PABPC4: variants seen among roughly 807,000 people sequenced by gnomAD.
PABPC4 encodes polyadenylate-binding protein 4.
PABPC4 carries 15 observed loss-of-function variants against 74.5 expected under a neutral mutation model. The ratio of observed to expected loss-of-function variants is 0.20; its 90% CI spans 0.13 to 0.31. The LOEUF is 0.31. Among genes scored for constraint, PABPC4 ranks in the 10% least tolerant of loss-of-function variants. The pLI is 1.00. For missense variants in PABPC4, 610 were observed against 853.5 expected (o/e 0.71, Z 3.55); for synonymous variants, 345 against 303.0 (o/e 1.14, Z -1.44).
chr1:39,567,681 A>G (rs1349008294), intron 7 of PABPC4, 70 bp downstream of exon 7: 1 of 819,262 alleles, frequency 1.2e-6, no homozygotes, highest in Non-Finnish European at 2.1e-6. Flanking sequence ...CTATTCCTTC[A>G]ATGGGACAAA....
chr1:39,563,546 C>T, intron 12 of PABPC4, 68 bp downstream of exon 12: 1 of 1,563,244 alleles, frequency 6.4e-7, no homozygotes, highest in East Asian at 2.3e-5. Flanking sequence ...GAATCAAAAG[C>T]ACAGCTTCTT....
At position 39,569,547 on chromosome 1, in the gene PABPC4, C is replaced by G. The variant is rs1407283798; in HGVS notation, c.738+48G>C. On this transcript the variant is annotated intron_variant, in intron 5 of 15. Coordinates refer to ENST00000372858, the MANE Select transcript of PABPC4 (RefSeq NM_001135653.2). ...GTGCTAGCAAGACCCTACCCATACT[C>G]TGGGGCAACCTCTTAAAAGCTTTTC... 2.1e-6 allele frequency: 3 copies of G among 1,437,680 alleles called. No homozygotes were observed. In the Admixed American group the frequency reaches 5.0e-5, roughly 24 times the overall value. The allele number at this position is 1,437,680 out of a possible 1,614,324, so 89.1% of individuals were successfully genotyped here.
Position 39,576,044 on chromosome 1 carries a change from G to T in PABPC4, c.-93C>A. ...GGGCGCCTTCGGAGCCCGGGCCCGC[G>T]CCGCGGCTCACAGGTGGCACCGGCG... On this transcript the variant is annotated 5_prime_UTR_variant, in exon 1 of 16. Coordinates refer to ENST00000372858, the MANE Select transcript of PABPC4 (RefSeq NM_001135653.2). 1 of 906,858 alleles carries T rather than the reference G, an allele frequency of 1.1e-6. No homozygotes were observed. Among genetic ancestry groups the T allele is most frequent in the Non-Finnish European group, 1.6e-6 (1 of 640,742 alleles). 56.2% of individuals were successfully genotyped at this position (906,858 alleles called of 1,614,324 possible).
At chr1:39,562,930 T>C (rs1570370519) in intron 12 of PABPC4, 1 of 153,378 alleles carries the variant, frequency 6.5e-6, no homozygotes, top group East Asian at 1.9e-4. Context: ...ACGGTCAACA[T>C]GCAACGTCAA....
chr1:39,567,874 C>T, intron 6 of PABPC4, 28 bp from the exon 7 acceptor site: 1 of 1,251,628 alleles, frequency 8.0e-7, no homozygotes, highest in South Asian at 1.2e-5. Flanking sequence ...CTGTTAACTA[C>T]ACTTCTATAT....
intron 12 of PABPC4, 104 bp from the exon 13 acceptor site, chr1:39,562,520 AGAG>A: frequency 2.5e-6 from 2 of 809,378 alleles, no homozygotes; most frequent in Admixed American, 2.6e-5. Flanking sequence ...GTGAAAGAGG[AGAG>A]GAGGTGGCTG....
intron 6 of PABPC4, chr1:39,568,439 CT>C: frequency 5.2e-6 from 1 of 191,750 alleles, no homozygotes; most frequent in Non-Finnish European, 1.0e-5. Context: ...GTGCACTCAC[CT>C]TTTGTCACCT....
At chr1:39,571,844 C>A (rs1215429662) in intron 2 of PABPC4, 6 of 275,138 alleles carry the variant, frequency 2.2e-5, no homozygotes, top group African/African-American at 1.3e-4. Context: ...CTGCACTCCA[C>A]CCTGGGTGAC....
intron 1 of PABPC4, chr1:39,573,132 G>C (rs1265401526): frequency 6.6e-6 from 1 of 151,304 alleles, no homozygotes; most frequent in East Asian, 1.9e-4. Flanking sequence ...TCCACCTATG[G>C]AGACAAGTGA....
Position 39,565,109 on chromosome 1 carries a change from T to A in PABPC4, c.1242A>T (p.Pro414=), listed in dbSNP as rs554690066. Residue 414 remains proline (P), a synonymous_variant, in exon 8 of 16, where the codon CCA becomes CCT. Coordinates refer to ENST00000372858, the MANE Select transcript of PABPC4 (RefSeq NM_001135653.2). ...AAGGYFVPAV[P]QAQGRPPYYT... is the part of the protein sequence containing the mutation. ...TGTGACCAAACAGCACACCCACCTG[T>A]GGGACTGCTGGCACAAAGTAGCCAC... The A allele has an allele frequency of 6.2e-7, 1 of 1,613,670 alleles. No individual in the cohort carries two copies. Among genetic ancestry groups the A allele is most frequent in the South Asian group, 1.1e-5 (1 of 91,070 alleles).
chr1:39,573,358 C>G (rs12130013), intron 1 of PABPC4, among the ~76,000 whole-genome samples: 1 of 152,126 alleles, frequency 6.6e-6, no homozygotes, highest in East Asian at 1.9e-4. Context: ...GTAGACAGTG[C>G]GCAGATGGCA....
At chr1:39,566,821 C>A (rs1218260668) in intron 7 of PABPC4, among the ~76,000 whole-genome samples, 3 of 152,002 alleles carry the variant, frequency 2.0e-5, no homozygotes, top group Non-Finnish European at 2.9e-5. Context: ...GAGGGCCAGT[C>A]AAGGGGGGGG....
chr1:39,562,747 C>A, intron 12 of PABPC4: 1 of 245,270 alleles, frequency 4.1e-6, no homozygotes. Context: ...GAATGAAAAG[C>A]CTTGATATAA....
Position 39,565,262 on chromosome 1 carries a change from T to C in PABPC4, c.1089A>G (p.Leu363=), listed in dbSNP as rs2124444857. The C allele has an allele frequency of 2.5e-6, 4 of 1,614,212 alleles. No homozygotes were observed. The South Asian group carries it at 3.3e-5, about 13-fold the overall frequency. Reference sequence around the variant, plus strand: ...CCTTCCTCTGGGCCAGGGCAACATATAGTGGCTTGGAGCCCACAATGCGTC... The same window carrying C: ...CCTTCCTCTGGGCCAGGGCAACATACAGTGGCTTGGAGCCCACAATGCGTC... The part of the protein sequence containing the change: ...MNGRIVGSKP[L]YVALAQRKEE... Residue 363 remains leucine, a synonymous_variant, in exon 8 of 16, where the codon CTA becomes CTG. Coordinates refer to ENST00000372858, the MANE Select transcript of PABPC4 (RefSeq NM_001135653.2).
intron 3 of PABPC4, chr1:39,571,014 G>C (rs1319369608): frequency 6.4e-6 from 9 of 1,397,798 alleles, no homozygotes; most frequent in Non-Finnish European, 5.6e-6. Flanking sequence ...TTAAGGGAGA[G>C]GCGGCAGGCA....
chr1:39,563,498 C>T (rs1034746286), intron 12 of PABPC4, 116 bp downstream of exon 12: 6 of 1,282,744 alleles, frequency 4.7e-6, no homozygotes, highest in East Asian at 2.4e-5. Flanking sequence ...CAGAACATAG[C>T]GTCATAACAC....
Position 39,560,826 on chromosome 1 carries a change from AT to A in PABPC4, c.*309del, listed in dbSNP as rs749116568. 1 of 170,488 alleles carries A rather than the reference AT, an allele frequency of 5.9e-6. No individual in the cohort carries two copies. Among genetic ancestry groups the A allele is most frequent in the South Asian group, 1.4e-4 (1 of 7,036 alleles). The allele number at this position is 170,488 out of a possible 1,614,324, so 10.6% of individuals were successfully genotyped here. ...CAGAGACAGAGGCAGTTTTATGGAGATTTTTTTTCTTTATTGGGAAACGTAA... is the reference window on the plus strand; with the variant it reads ...CAGAGACAGAGGCAGTTTTATGGAGATTTTTTTCTTTATTGGGAAACGTAA... On this transcript the variant is annotated 3_prime_UTR_variant, in exon 16 of 16. Coordinates refer to ENST00000372858, the MANE Select transcript of PABPC4 (RefSeq NM_001135653.2).
rs1014416028 is a variant in PABPC4 at position 39,564,912 on chromosome 1, A to G, written c.1246-139T>C. On this transcript the variant is annotated intron_variant, in intron 8 of 15. Transcript: ENST00000372858. Reference sequence around the variant, plus strand: ...TATTCAAGAGCTGAGGGGTCAGCTAATGGGGACTGTTTTATGCTACCACTG... The same window carrying G: ...TATTCAAGAGCTGAGGGGTCAGCTAGTGGGGACTGTTTTATGCTACCACTG... 1.7e-5 allele frequency: 15 copies of G among 866,088 alleles called. No homozygotes were observed. The East Asian group carries it at 3.6e-4, about 21-fold the overall frequency. The allele number at this position is 866,088 out of a possible 1,614,324, so 53.7% of individuals were successfully genotyped here.
chr1:39,571,433 G>A, intron 2 of PABPC4, 84 bp from the exon 3 acceptor site: 1 of 1,538,724 alleles, frequency 6.5e-7, no homozygotes, highest in Non-Finnish European at 8.9e-7. Context: ...TGCCTGAGGA[G>A]ACTCTAGCCC....
Sources: allele counts gnomAD v4.1 joint callset (sites outside exome capture counted in the v4.1 genomes callset), GRCh38; gene constraint gnomAD v4.1.1; transcripts MANE v1.5; gene names NCBI Gene and HGNC (gene_info 2026-07-23, HGNC 2026-07-21).